SAMD12: variants seen among roughly 807,000 people sequenced by gnomAD.
SAMD12 encodes the protein sterile alpha motif domain containing 12.
SAMD12 carries 9 observed loss-of-function variants against 15.0 expected under a neutral mutation model. The observed-to-expected ratio is 0.60, with a 90% confidence interval of 0.36 to 1.05. SAMD12 has a LOEUF of 1.05. SAMD12 is among the 50% of genes least tolerant of loss of function. SAMD12 has a pLI of 0.01. For missense variants in SAMD12, 230 were observed against 234.2 expected (o/e 0.98, Z 0.12); for synonymous variants, 86 against 90.1 (o/e 0.96, Z 0.25).
At chr8:118,218,815 T>C (rs1034918077) in intron 4 of SAMD12, among the ~76,000 whole-genome samples, 6 of 152,196 alleles carry the variant, frequency 3.9e-5, no homozygotes, top group African/African-American at 1.2e-4. Flanking sequence ...AGCCCACACT[T>C]TGAATAGTGT....
intron 4 of SAMD12, among the ~76,000 whole-genome samples, chr8:118,299,117 ATGCATT>A: frequency 6.6e-6 from 1 of 152,162 alleles, no homozygotes; most frequent in East Asian, 1.9e-4. Flanking sequence ...GGTGATGATA[ATGCATT>A]TGCATAACAG....
At chr8:118,501,016 C>T (rs1241172299) in intron 2 of SAMD12, among the ~76,000 whole-genome samples, 1 of 152,038 alleles carries the variant, frequency 6.6e-6, no homozygotes, top group Admixed American at 6.5e-5. Flanking sequence ...GAACAGCCAC[C>T]CGGTAGATGT....
At chr8:118,153,115 T>G in the SAMD12 span, among the ~76,000 whole-genome samples, 4 of 152,310 alleles carry the variant, frequency 2.6e-5, no homozygotes, top group African/African-American at 7.2e-5. Flanking sequence ...GTCAGTTAGT[T>G]TTCACTGCAT....
chr8:118,472,083 C>T (rs1373074916), intron 2 of SAMD12, among the ~76,000 whole-genome samples: 4 of 151,742 alleles, frequency 2.6e-5, no homozygotes, highest in African/African-American at 7.3e-5. Flanking sequence ...GTCAGGAGAT[C>T]GAGACCATCC....
chr8:118,550,117 C>A (rs1397043231), intron 2 of SAMD12, among the ~76,000 whole-genome samples: 1 of 152,130 alleles, frequency 6.6e-6, no homozygotes, highest in Non-Finnish European at 1.5e-5. Context: ...GGATATTATC[C>A]AGGAGAGCTT....
chr8:118,336,777 G>A (rs1044229780), intron 4 of SAMD12, among the ~76,000 whole-genome samples: 6 of 152,168 alleles, frequency 3.9e-5, no homozygotes, highest in African/African-American at 1.4e-4. Context: ...GTCCATCAAT[G>A]ATAGACTGGA....
chr8:118,462,701 A>C (rs1365681181), intron 2 of SAMD12, among the ~76,000 whole-genome samples: 1 of 152,222 alleles, frequency 6.6e-6, no homozygotes, highest in Non-Finnish European at 1.5e-5. Context: ...AATGAGGACC[A>C]TTCTCAAAAT....
chr8:118,258,274 TTC>T (rs534735329), intron 4 of SAMD12, among the ~76,000 whole-genome samples: 1 of 152,166 alleles, frequency 6.6e-6, no homozygotes, highest in Admixed American at 6.5e-5. Context: ...ACTATTATTG[TTC>T]TCTCTCTATC....
chr8:118,177,374 G>T, the SAMD12 span, among the ~76,000 whole-genome samples: 1 of 151,862 alleles, frequency 6.6e-6, no homozygotes, highest in African/African-American at 2.4e-5. Context: ...CTGAGTAGCT[G>T]GGACTATGGG....
intron 3 of SAMD12, among the ~76,000 whole-genome samples, chr8:118,419,671 A>G (rs1297209992): frequency 6.6e-6 from 1 of 152,186 alleles, no homozygotes; most frequent in African/African-American, 2.4e-5. Context: ...AGGTAAGTAT[A>G]TCTTGTCCCC....
At chr8:118,448,455 C>A (rs79114403) in intron 2 of SAMD12, among the ~76,000 whole-genome samples, 3,649 of 152,280 alleles carry the variant, frequency 0.024, 129 homozygotes, top group African/African-American at 0.083. Flanking sequence ...TAGAACAGTA[C>A]CTGGCACAAA....
At chr8:118,152,458 A>ACCTTCCTTCCTTCCTTCCTTCCTT in the SAMD12 span, among the ~76,000 whole-genome samples, 73 of 114,308 alleles carry the variant, frequency 6.4e-4, no homozygotes, top group African/African-American at 8.6e-4. Context: ...CTCCCTCCCT[A>ACCTTCCTTCCTTCCTTCCTTCCTT]CCTTCCTTCC....
intron 2 of SAMD12, among the ~76,000 whole-genome samples, chr8:118,495,648 A>G (rs904020954): frequency 2.6e-5 from 4 of 151,528 alleles, no homozygotes; most frequent in African/African-American, 7.3e-5. Context: ...CTCCACGGTT[A>G]CTGACTGATA....
At chr8:118,364,247 T>C (rs759537868) in intron 4 of SAMD12, among the ~76,000 whole-genome samples, 16 of 152,076 alleles carry the variant, frequency 1.1e-4, no homozygotes, top group Non-Finnish European at 2.1e-4. Context: ...CCTTTGGGGG[T>C]TGCCTAAGAA....
chr8:118,560,679 T>C, intron 2 of SAMD12, among the ~76,000 whole-genome samples: 1 of 152,040 alleles, frequency 6.6e-6, no homozygotes, highest in Non-Finnish European at 1.5e-5. Context: ...TCATACCGAA[T>C]AGTAGGAGGT....
chr8:118,228,248 A>C (rs17432569), intron 4 of SAMD12, among the ~76,000 whole-genome samples: 47,314 of 152,152 alleles, frequency 0.31, 9,845 homozygotes, highest in African/African-American at 0.6. Context: ...CAAGAACCCA[A>C]AAGCAAATGC....
downstream of SAMD12, among the ~76,000 whole-genome samples, chr8:118,375,307 C>T (rs1028410559): frequency 1.6e-4 from 24 of 152,108 alleles, no homozygotes; most frequent in African/African-American, 5.8e-4. Context: ...TACTAGTTGT[C>T]TGACTATGAG....
intron 4 of SAMD12, among the ~76,000 whole-genome samples, chr8:118,317,373 T>G (rs2130429715): frequency 6.6e-6 from 1 of 152,232 alleles, no homozygotes; most frequent in East Asian, 1.9e-4. Flanking sequence ...AGTCCCAAAC[T>G]GGAAACTACT....
chr8:118,435,231 T>C (rs1297775093), intron 3 of SAMD12, among the ~76,000 whole-genome samples: 1 of 152,174 alleles, frequency 6.6e-6, no homozygotes, highest in African/African-American at 2.4e-5. Context: ...GAAAAGTAGA[T>C]GAGTACAGTA....
Sources: allele counts gnomAD v4.1 joint callset (sites outside exome capture counted in the v4.1 genomes callset), GRCh38; gene constraint gnomAD v4.1.1; transcripts MANE v1.5; gene names NCBI Gene and HGNC (gene_info 2026-07-23, HGNC 2026-07-21).